The following RALGAPA1 variants were observed in gnomAD, a reference collection of about 807,000 sequenced individuals.
RALGAPA1 encodes ral GTPase-activating protein subunit alpha-1.
In RALGAPA1, 52 loss-of-function variants were observed where a neutral mutation model predicts 269.6. That is an observed-to-expected ratio of 0.19 (90% confidence interval 0.15 to 0.24). The LOEUF (loss-of-function observed/expected upper bound fraction) is 0.24. RALGAPA1 is among the 10% of genes least tolerant of loss of function. The pLI is 1.00. For synonymous variants in RALGAPA1, 817 were observed against 1,008.3 expected (o/e 0.81, Z 3.60); for missense variants, 1,917 against 3,013.9 (o/e 0.64, Z 8.52).
chr14:35,625,196 C>A (rs1297842061), intron 35 of RALGAPA1, among the ~76,000 whole-genome samples, 165 bp downstream of exon 35: 2 of 150,188 alleles, frequency 1.3e-5, no homozygotes, highest in African/African-American at 4.9e-5. Context: ...TCAAAGACAC[C>A]CAACATTCTA....
intron 7 of RALGAPA1, among the ~76,000 whole-genome samples, chr14:35,753,776 T>G: frequency 6.6e-6 from 1 of 152,174 alleles, no homozygotes; most frequent in South Asian, 2.1e-4. Flanking sequence ...TGTGTAACCC[T>G]GTGAATACAC....
intron 37 of RALGAPA1, among the ~76,000 whole-genome samples, chr14:35,589,162 T>A (rs2058485718): frequency 6.6e-6 from 1 of 152,198 alleles, no homozygotes; most frequent in African/African-American, 2.4e-5. Context: ...AATAATGTCA[T>A]ATCCTTCATA....
chr14:35,798,992 C>CAAA (rs60003824), intron 1 of RALGAPA1, among the ~76,000 whole-genome samples: 3 of 81,364 alleles, frequency 3.7e-5, no homozygotes, highest in Admixed American at 1.4e-4. Context: ...CTGTCTGTGT[C>CAAA]AAAAAAAAAA....
At chr14:35,645,730 CAAA>C (rs59715478) in intron 31 of RALGAPA1, among the ~76,000 whole-genome samples, 13 of 91,850 alleles carry the variant, frequency 1.4e-4, no homozygotes, top group Admixed American at 1.3e-4. Context: ...ACTCCATCTC[CAAA>C]AAAAAAAAAA....
chr14:35,759,592 T>TAAA (rs57642499), intron 6 of RALGAPA1, among the ~76,000 whole-genome samples: 2 of 130,786 alleles, frequency 1.5e-5, no homozygotes, highest in East Asian at 2.1e-4. Context: ...ATTAAAGAAG[T>TAAA]AAAAAAAAAA....
At chr14:35,686,259 A>G (rs920345231) in intron 19 of RALGAPA1, among the ~76,000 whole-genome samples, 2 of 151,910 alleles carry the variant, frequency 1.3e-5, no homozygotes, top group Admixed American at 1.3e-4. Context: ...AGACAAAAAA[A>G]GGGGAGACTA....
At chr14:35,611,117 G>A (rs1265281565) in intron 35 of RALGAPA1, among the ~76,000 whole-genome samples, 2 of 152,186 alleles carry the variant, frequency 1.3e-5, no homozygotes, top group African/African-American at 4.8e-5. Context: ...AAATTGGCAA[G>A]CTTGGCTGAG....
chr14:35,740,162 T>A (rs1448352716), intron 11 of RALGAPA1, among the ~76,000 whole-genome samples: 1 of 152,194 alleles, frequency 6.6e-6, no homozygotes, highest in Non-Finnish European at 1.5e-5. Flanking sequence ...AGGTGTTCTC[T>A]CTTTCATGCT....
chr14:35,712,777 G>T (rs1023062402), intron 16 of RALGAPA1, among the ~76,000 whole-genome samples: 1 of 149,136 alleles, frequency 6.7e-6, no homozygotes, highest in Non-Finnish European at 1.5e-5. Flanking sequence ...AAAGTGCTAA[G>T]ATTACAAAGT....
intron 17 of RALGAPA1, among the ~76,000 whole-genome samples, chr14:35,695,261 T>C (rs1363436399): frequency 6.6e-6 from 1 of 151,968 alleles, no homozygotes; most frequent in Non-Finnish European, 1.5e-5. Context: ...ATTGGAATTA[T>C]GCTATAATCA....
At chr14:35,641,369 A>C (rs1225920245) in intron 31 of RALGAPA1, among the ~76,000 whole-genome samples, 1 of 152,244 alleles carries the variant, frequency 6.6e-6, no homozygotes, top group Non-Finnish European at 1.5e-5. Context: ...AATAACTATT[A>C]GAACTGATAA....
chr14:35,764,067 G>A (rs10145850), intron 4 of RALGAPA1, among the ~76,000 whole-genome samples: 19,919 of 150,016 alleles, frequency 0.13, 1,370 homozygotes, highest in African/African-American at 0.14. Flanking sequence ...TTTATCCTTT[G>A]CACAATTTTC....
At chr14:35,750,417 A>G (rs2072567828) in intron 9 of RALGAPA1, 65 bp downstream of exon 9, 1 of 1,222,848 alleles carries the variant, frequency 8.2e-7, no homozygotes. Flanking sequence ...AGGCAACTGA[A>G]CTCAATGGAC....
intron 12 of RALGAPA1, among the ~76,000 whole-genome samples, chr14:35,728,727 ATTTC>A (rs1030719861): frequency 1.5e-4 from 23 of 151,182 alleles, no homozygotes; most frequent in Non-Finnish European, 2.1e-4. Flanking sequence ...AAACAACAGT[ATTTC>A]TTTCTTTTTT....
At chr14:35,587,723 T>TG (rs761954462) in intron 37 of RALGAPA1, among the ~76,000 whole-genome samples, 5 of 84,924 alleles carry the variant, frequency 5.9e-5, no homozygotes, top group African/African-American at 2.4e-4. Context: ...TGTCGTGGGG[T>TG]GGGGGGAAGG....
chr14:35,634,665 A>T lies in RALGAPA1; in HGVS notation c.5904T>A (p.Asp1968Glu), dbSNP rs765840951. 3 of 1,613,626 alleles carry T rather than the reference A, an allele frequency of 1.9e-6. No individual in the cohort carries two copies. In the African/African-American group the frequency reaches 4.0e-5, roughly 22 times the overall value. Residue 1968 changes from aspartate to glutamate, a missense_variant, in exon 33 of 42, where the codon GAT (aspartate) becomes GAA (glutamate). Transcript: ENST00000680220. ...SLSDLASVDYDPFMHLESLKE... is the reference protein window; with the variant it reads ...SLSDLASVDYEPFMHLESLKE... ...TCAGACTTTCCAAATGCATAAAAGG[A>T]TCATAATCTACAGATGCCAAATCAG...
chr14:35,752,104 A>C lies in RALGAPA1; in HGVS notation c.722T>G (p.Phe241Cys), dbSNP rs1456909331. 1 of 1,585,198 alleles carries C rather than the reference A, an allele frequency of 6.3e-7. No homozygotes were observed. ...ENQERGFSFL[F>C]SHFKKYYLPY... ...CAAGTAATATTTCTTAAAATGTGAA[A>C]ACAAAAATGAAAATCCCCTTTCTTG... The change falls in exon 8 of 42, where the codon TTT becomes TGT. Residue 241 changes from phenylalanine to cysteine, a missense_variant. Around this residue, in one of 11 missense-constraint regions of RALGAPA1, gnomAD observed 462 missense variants for 725.6 expected, o/e 0.64. Coordinates refer to ENST00000680220, the MANE Select transcript of RALGAPA1 (RefSeq NM_001346249.2).
intron 17 of RALGAPA1, among the ~76,000 whole-genome samples, chr14:35,696,372 G>C (rs2066900610): frequency 6.6e-6 from 1 of 152,044 alleles, no homozygotes; most frequent in Non-Finnish European, 1.5e-5. Context: ...CTCCAGCCTA[G>C]GCAACAGAGC....
chr14:35,630,653 G>A (rs2139669000), intron 33 of RALGAPA1, among the ~76,000 whole-genome samples: 1 of 152,284 alleles, frequency 6.6e-6, no homozygotes, highest in East Asian at 1.9e-4. Context: ...CCAGCACTTT[G>A]GGAAGCTGAG....
Sources: gnomAD v4.1 joint callset for allele counts (sites outside exome capture counted in the v4.1 genomes callset) on GRCh38, gnomAD v4.1.1 for gene constraint, gnomAD v4.1.1 regional missense constraint, MANE v1.5 for transcripts, NCBI Gene and HGNC (gene_info 2026-07-23, HGNC 2026-07-21) for gene names.